Variants in KLF8 observed in about 807,000 individuals in gnomAD.
The protein encoded by KLF8 is Krueppel-like factor 8.
In KLF8, 10 loss-of-function variants were observed where a neutral mutation model predicts 18.2. The observed-to-expected ratio is 0.55, with a 90% CI of 0.34 to 0.93. The LOEUF (loss-of-function observed/expected upper bound fraction) is 0.93. KLF8 is among the 40% of genes least tolerant of loss of function. The probability of loss-of-function intolerance (pLI) is 0.02; values close to 1 mark genes in which losing one functional copy is unlikely to be tolerated. For missense variants in KLF8, 264 were observed against 277.9 expected, an observed-to-expected ratio of 0.95 and a Z score of 0.36; for synonymous variants, 109 against 97.3, an observed-to-expected ratio of 1.12 and a Z score of -0.71.
the KLF8 span, among the ~76,000 whole-genome samples, chrX:56,223,559 T>C: frequency 8.9e-6 from 1 of 112,695 alleles, no homozygotes; most frequent in East Asian, 2.8e-4. Flanking sequence ...CAAATATTTA[T>C]TGAGCAACTA....
At chrX:56,087,266 T>C in the KLF8 span, among the ~76,000 whole-genome samples, 1 of 110,912 alleles carries the variant, frequency 9.0e-6, no homozygotes, top group Non-Finnish European at 1.9e-5. Context: ...CACCAAATTT[T>C]ATGTTGAATT....
At chrX:56,015,024 G>C in the KLF8 span, 1 of 109,282 alleles carries the variant, frequency 9.2e-6, no homozygotes, top group Admixed American at 9.8e-5. Context: ...AAAGCATCAG[G>C]AAATTCACTA....
chrX:56,185,453 G>A, the KLF8 span, among the ~76,000 whole-genome samples: 18 of 112,076 alleles, frequency 1.6e-4, no homozygotes, highest in East Asian at 3.9e-3. Context: ...ACACTCTGCA[G>A]GATATTATCC....
the KLF8 span, among the ~76,000 whole-genome samples, chrX:56,038,505 A>G: frequency 1.8e-5 from 2 of 112,169 alleles, no homozygotes; most frequent in African/African-American, 6.5e-5. Context: ...TGCTAAGGAT[A>G]ATGGCTTCCA....
At chrX:56,212,189 T>G in the KLF8 span, among the ~76,000 whole-genome samples, 2 of 111,440 alleles carry the variant, frequency 1.8e-5, no homozygotes, top group African/African-American at 6.5e-5. Flanking sequence ...GTACCCTAGA[T>G]GCAAGACAAA....
intron 1 of KLF8, among the ~76,000 whole-genome samples, chrX:56,234,408 T>C (rs1483535771): frequency 8.9e-6 from 1 of 111,932 alleles, no homozygotes; most frequent in Non-Finnish European, 1.9e-5. Context: ...ATATCTTGTG[T>C]ATGTGGCAGA....
chrX:56,042,885 C>A, the KLF8 span, among the ~76,000 whole-genome samples: 1 of 111,722 alleles, frequency 9.0e-6, no homozygotes, highest in South Asian at 3.7e-4. Context: ...GGTTACTTTG[C>A]AGACTTCTTT....
chrX:56,116,173 G>A, the KLF8 span, among the ~76,000 whole-genome samples: 1 of 112,919 alleles, frequency 8.9e-6, no homozygotes, highest in Non-Finnish European at 1.9e-5. Flanking sequence ...GGCAGTCTGA[G>A]GTCCAGCATC....
At chrX:56,131,559 A>T in the KLF8 span, among the ~76,000 whole-genome samples, 3 of 111,293 alleles carry the variant, frequency 2.7e-5, no homozygotes, top group African/African-American at 9.8e-5. Context: ...ATCTTGTAGG[A>T]CCATAAACAA....
At chrX:56,079,227 G>T in the KLF8 span, among the ~76,000 whole-genome samples, 7 of 110,831 alleles carry the variant, frequency 6.3e-5, no homozygotes, top group South Asian at 2.8e-3. Flanking sequence ...CGTTTTAATT[G>T]GGATGTTAGG....
At chrX:56,052,560 G>T in the KLF8 span, among the ~76,000 whole-genome samples, 1 of 111,756 alleles carries the variant, frequency 8.9e-6, no homozygotes, top group African/African-American at 3.3e-5. Flanking sequence ...GCTGGGGGGT[G>T]CGTCCCAGTT....
the KLF8 span, among the ~76,000 whole-genome samples, chrX:56,141,924 A>G: frequency 8.9e-6 from 1 of 112,030 alleles, no homozygotes; most frequent in Non-Finnish European, 1.9e-5. Flanking sequence ...ACCTCTCATG[A>G]ATGCTATGTT....
the KLF8 span, among the ~76,000 whole-genome samples, chrX:56,077,282 G>A: frequency 8.9e-6 from 1 of 111,921 alleles, no homozygotes; most frequent in African/African-American, 3.3e-5. Context: ...TAAGTATAAC[G>A]TTTAAGTCTT....
intron 3 of KLF8, chrX:56,266,638 C>T (rs963414695): frequency 1.1e-4 from 80 of 750,327 alleles, no homozygotes; most frequent in Middle Eastern, 7.6e-4. Flanking sequence ...TATCCCCCAA[C>T]CACTAGTTTT....
the KLF8 span, among the ~76,000 whole-genome samples, chrX:55,967,491 T>C: frequency 9.2e-6 from 1 of 108,630 alleles, no homozygotes; most frequent in Non-Finnish European, 1.9e-5. Context: ...AAAAAAAAAC[T>C]TTAGAATACT....
the KLF8 span, among the ~76,000 whole-genome samples, chrX:56,120,824 A>G: frequency 1.8e-5 from 2 of 111,273 alleles, no homozygotes; most frequent in African/African-American, 6.5e-5. Flanking sequence ...GACCTTTTTC[A>G]TTCTTTCTCA....
chrX:56,128,774 G>A, the KLF8 span, among the ~76,000 whole-genome samples: 2 of 111,526 alleles, frequency 1.8e-5, no homozygotes, highest in Non-Finnish European at 3.8e-5. Context: ...TTCTTAAATT[G>A]GCAAATTAGA....
the KLF8 span, among the ~76,000 whole-genome samples, chrX:56,203,276 G>T: frequency 1.5e-4 from 17 of 111,825 alleles, no homozygotes; most frequent in East Asian, 4.8e-3. Context: ...TGAATTATAA[G>T]ATTTTTCCCT....
At chrX:56,200,348 AATATAAAAC>A in the KLF8 span, among the ~76,000 whole-genome samples, 1 of 110,512 alleles carries the variant, frequency 9.0e-6, no homozygotes. Flanking sequence ...CAAAAAATTA[AATATAAAAC>A]ATATAAAAAT....
Sources: allele counts gnomAD v4.1 joint callset (sites outside exome capture counted in the v4.1 genomes callset), GRCh38; gene constraint gnomAD v4.1.1; transcripts MANE v1.5; gene names NCBI Gene and HGNC (gene_info 2026-07-23, HGNC 2026-07-21).